Variants in LHFPL3 observed in about 807,000 individuals in gnomAD.
The protein encoded by LHFPL3 is LHFPL tetraspan subfamily member 3 protein.
LHFPL3 carries 5 observed loss-of-function variants against 19.3 expected under a neutral mutation model. That is an observed-to-expected ratio of 0.26 (90% CI 0.14 to 0.54). LHFPL3 has a LOEUF of 0.54. Among genes scored for constraint, LHFPL3 ranks in the 20% least tolerant of loss-of-function variants. The pLI is 0.94. For missense variants in LHFPL3, 249 were observed against 307.4 expected, an observed-to-expected ratio of 0.81 and a Z score of 1.42; for synonymous variants, 133 against 126.2, an observed-to-expected ratio of 1.05 and a Z score of -0.36.
chr7:104,865,200 C>A (rs567463696), intron 2 of LHFPL3, among the ~76,000 whole-genome samples: 1 of 152,268 alleles, frequency 6.6e-6, no homozygotes, highest in South Asian at 2.1e-4. Flanking sequence ...AGCTCCTCAC[C>A]AGCAACAGAA....
intron 1 of LHFPL3, among the ~76,000 whole-genome samples, chr7:104,355,034 T>G (rs993634336): frequency 2.9e-4 from 44 of 152,346 alleles, no homozygotes; most frequent in African/African-American, 9.4e-4. Context: ...AGTCACTTTA[T>G]GCAAGTGAAT....
intron 2 of LHFPL3, among the ~76,000 whole-genome samples, chr7:104,847,634 C>T (rs968181595): frequency 2.0e-5 from 3 of 152,214 alleles, no homozygotes; most frequent in African/African-American, 4.8e-5. Context: ...CCTCAGCCTC[C>T]TGAGTAACTG....
intron 2 of LHFPL3, among the ~76,000 whole-genome samples, chr7:104,748,276 G>A (rs1262639395): frequency 6.6e-6 from 1 of 151,888 alleles, no homozygotes; most frequent in Non-Finnish European, 1.5e-5. Context: ...CTCCCCATGT[G>A]ATAGTCTGAA....
chr7:104,553,474 C>T (rs891319656), intron 1 of LHFPL3, among the ~76,000 whole-genome samples: 1 of 152,180 alleles, frequency 6.6e-6, no homozygotes, highest in Non-Finnish European at 1.5e-5. Context: ...GAACCACTTG[C>T]CACCTTTGTA....
At chr7:104,379,296 G>C (rs1191737856) in intron 1 of LHFPL3, among the ~76,000 whole-genome samples, 3 of 152,152 alleles carry the variant, frequency 2.0e-5, no homozygotes, top group African/African-American at 7.2e-5. Context: ...GTAATTTGGG[G>C]GAACAGTCTG....
intron 2 of LHFPL3, among the ~76,000 whole-genome samples, chr7:104,897,778 G>A (rs1488534203): frequency 6.6e-6 from 1 of 151,956 alleles, no homozygotes; most frequent in African/African-American, 2.4e-5. Flanking sequence ...GCTAAAAGAG[G>A]ATTAAATAAA....
chr7:104,371,010 A>C (rs1477773231), intron 1 of LHFPL3, among the ~76,000 whole-genome samples: 1 of 152,208 alleles, frequency 6.6e-6, no homozygotes, highest in Non-Finnish European at 1.5e-5. Context: ...CTTAAACTGC[A>C]ACACTATTCC....
intron 1 of LHFPL3, among the ~76,000 whole-genome samples, chr7:104,376,839 A>G (rs1412254145): frequency 6.6e-6 from 1 of 152,014 alleles, no homozygotes; most frequent in African/African-American, 2.4e-5. Context: ...TCCCAAATTG[A>G]CTTTTTTTTC....
chr7:104,441,502 A>G (rs971965145), intron 1 of LHFPL3, among the ~76,000 whole-genome samples: 2 of 152,200 alleles, frequency 1.3e-5, no homozygotes, highest in Non-Finnish European at 2.9e-5. Flanking sequence ...TGTTGTTTCC[A>G]TATCTTAGCT....
intron 1 of LHFPL3, among the ~76,000 whole-genome samples, chr7:104,459,654 C>A (rs530622806): frequency 6.6e-6 from 1 of 152,316 alleles, no homozygotes; most frequent in East Asian, 1.9e-4. Context: ...TGGCTGAAGG[C>A]AAGGGACCTC....
intron 1 of LHFPL3, among the ~76,000 whole-genome samples, chr7:104,459,625 C>T (rs1159894362): frequency 6.6e-6 from 1 of 152,192 alleles, no homozygotes; most frequent in Non-Finnish European, 1.5e-5. Context: ...ACACATCACT[C>T]AAGCAATAGT....
chr7:104,445,781 G>T (rs957687582), intron 1 of LHFPL3, among the ~76,000 whole-genome samples: 2 of 152,072 alleles, frequency 1.3e-5, no homozygotes, highest in African/African-American at 4.8e-5. Context: ...CTTTTTAAAG[G>T]GAGTATTGCA....
chr7:104,763,136 G>A (rs552813239), intron 2 of LHFPL3, among the ~76,000 whole-genome samples: 24 of 152,268 alleles, frequency 1.6e-4, no homozygotes, highest in East Asian at 1.5e-3. Flanking sequence ...ATTTCACAGC[G>A]AAGTACCCAT....
intron 1 of LHFPL3, among the ~76,000 whole-genome samples, chr7:104,453,366 C>T (rs987997190): frequency 6.6e-6 from 1 of 151,884 alleles, no homozygotes; most frequent in Non-Finnish European, 1.5e-5. Context: ...ATTAGGCCAT[C>T]TGTGTTTGCT....
At chr7:104,881,447 AG>A (rs1792055306) in intron 2 of LHFPL3, among the ~76,000 whole-genome samples, 2 of 152,200 alleles carry the variant, frequency 1.3e-5, no homozygotes, top group African/African-American at 4.8e-5. Flanking sequence ...ACTTCCGTGG[AG>A]GAAGTAATGC....
At chr7:104,476,937 C>A (rs923455180) in intron 1 of LHFPL3, among the ~76,000 whole-genome samples, 3 of 152,164 alleles carry the variant, frequency 2.0e-5, no homozygotes, top group Non-Finnish European at 4.4e-5. Flanking sequence ...TATTGTTGAT[C>A]TGTGTTGAAC....
intron 1 of LHFPL3, among the ~76,000 whole-genome samples, chr7:104,607,886 T>TG (rs1215751826): frequency 6.6e-6 from 1 of 151,142 alleles, no homozygotes; most frequent in Non-Finnish European, 1.5e-5. Context: ...AAAAAACACA[T>TG]GAAAAAAAAA....
At chr7:104,829,435 T>C (rs1456756032) in intron 2 of LHFPL3, among the ~76,000 whole-genome samples, 1 of 151,742 alleles carries the variant, frequency 6.6e-6, no homozygotes, top group Non-Finnish European at 1.5e-5. Context: ...ACCCATTAAC[T>C]TGTCATTTAG....
intron 2 of LHFPL3, among the ~76,000 whole-genome samples, chr7:104,751,483 ACCTATT>A (rs1185520741): frequency 7.1e-4 from 107 of 149,654 alleles, no homozygotes; most frequent in African/African-American, 2.3e-3. Flanking sequence ...TCCAATTTTG[ACCTATT>A]CCTAATAGTT....
Sources: allele counts gnomAD v4.1 joint callset (sites outside exome capture counted in the v4.1 genomes callset), GRCh38; gene constraint gnomAD v4.1.1; transcripts MANE v1.5; gene names NCBI Gene and HGNC (gene_info 2026-07-23, HGNC 2026-07-21).